CLVS1: variants seen among roughly 807,000 people sequenced by gnomAD.
CLVS1 encodes the protein clavesin 1.
Under a neutral mutation model 33.1 loss-of-function variants are expected in CLVS1, and 10 were observed. That is an observed-to-expected ratio of 0.30 (90% confidence interval 0.19 to 0.51). The LOEUF (loss-of-function observed/expected upper bound fraction) is 0.51, where lower values mean the gene tolerates loss of function less well. CLVS1 is among the 20% of genes least tolerant of loss of function. The pLI is 0.97. For missense variants in CLVS1, 343 were observed against 433.4 expected (o/e 0.79, Z 1.85); for synonymous variants, 163 against 166.1 (o/e 0.98, Z 0.14).
intron 2 of CLVS1, among the ~76,000 whole-genome samples, chr8:61,150,866 T>C (rs1268029518): frequency 6.6e-6 from 1 of 152,104 alleles, no homozygotes; most frequent in African/African-American, 2.4e-5. Flanking sequence ...AGGATGAGCA[T>C]CTAGACCCCT....
At chr8:61,248,527 GT>G (rs1015057007) in intron 2 of CLVS1, among the ~76,000 whole-genome samples, 4 of 151,486 alleles carry the variant, frequency 2.6e-5, no homozygotes, top group Admixed American at 6.6e-5. Context: ...TGTATTCCTA[GT>G]TTTTTTTGTG....
intron 5 of CLVS1, among the ~76,000 whole-genome samples, chr8:61,487,158 G>A (rs1278445819): frequency 6.6e-6 from 1 of 152,194 alleles, no homozygotes. Flanking sequence ...CCTGCTGAGG[G>A]CCCAGGGACC....
At chr8:61,071,677 T>C (rs1029025936) in intron 1 of CLVS1, among the ~76,000 whole-genome samples, 1 of 152,200 alleles carries the variant, frequency 6.6e-6, no homozygotes, top group Non-Finnish European at 1.5e-5. Flanking sequence ...TACCATGGTA[T>C]CTTACGCCAA....
At chr8:61,121,115 G>T (rs922928907) in intron 1 of CLVS1, among the ~76,000 whole-genome samples, 2 of 151,872 alleles carry the variant, frequency 1.3e-5, no homozygotes, top group African/African-American at 2.4e-5. Context: ...CGCAGTATTC[G>T]GGTGGGAGTG....
chr8:60,966,508 A>G, the CLVS1 span: 2 of 397,810 alleles, frequency 5.0e-6, no homozygotes, highest in Non-Finnish European at 1.0e-5. Flanking sequence ...ATATGCCATG[A>G]CCCAGCATCC....
the CLVS1 span, among the ~76,000 whole-genome samples, chr8:61,036,367 C>T: frequency 6.6e-6 from 1 of 152,170 alleles, no homozygotes; most frequent in African/African-American, 2.4e-5. Context: ...AGACCTCTGG[C>T]CAGGCTCTGT....
At chr8:61,258,383 G>A (rs1809130559) in intron 2 of CLVS1, among the ~76,000 whole-genome samples, 2 of 152,208 alleles carry the variant, frequency 1.3e-5, no homozygotes, top group Admixed American at 6.5e-5. Flanking sequence ...CCCAGAGAGT[G>A]CAAAGCAGTG....
the CLVS1 span, among the ~76,000 whole-genome samples, chr8:61,036,497 C>A: frequency 3.9e-5 from 6 of 152,164 alleles, no homozygotes; most frequent in Middle Eastern, 3.2e-3. Context: ...AAAAGGTGTG[C>A]ATTAAAGGGG....
the CLVS1 span, among the ~76,000 whole-genome samples, chr8:61,011,885 T>C: frequency 6.6e-6 from 1 of 152,228 alleles, no homozygotes; most frequent in African/African-American, 2.4e-5. Flanking sequence ...AAGCAGTGAC[T>C]GTGTTTGAGT....
At chr8:61,221,612 C>T (rs907030453) in intron 2 of CLVS1, among the ~76,000 whole-genome samples, 7 of 152,216 alleles carry the variant, frequency 4.6e-5, no homozygotes, top group East Asian at 3.9e-4. Context: ...ATTTTTGCAT[C>T]GACATTCATC....
At chr8:61,481,763 C>T (rs1818203601) in intron 5 of CLVS1, among the ~76,000 whole-genome samples, 1 of 152,248 alleles carries the variant, frequency 6.6e-6, no homozygotes, top group Admixed American at 6.5e-5. Context: ...TAGATTCCAC[C>T]TCTGGGGGCA....
At chr8:61,245,525 A>G (rs2919321) in intron 2 of CLVS1, among the ~76,000 whole-genome samples, 50,739 of 151,712 alleles carry the variant, frequency 0.33, 9,055 homozygotes, top group Admixed American at 0.39. Context: ...GTATTATTTT[A>G]ACATTAAATC....
At chr8:61,156,546 A>T (rs1182028186) in intron 2 of CLVS1, among the ~76,000 whole-genome samples, 1 of 152,216 alleles carries the variant, frequency 6.6e-6, no homozygotes, top group Non-Finnish European at 1.5e-5. Flanking sequence ...CAATTTATAG[A>T]GGATGTGTAT....
At chr8:61,110,076 G>A (rs1024354909) in intron 1 of CLVS1, among the ~76,000 whole-genome samples, 6 of 152,310 alleles carry the variant, frequency 3.9e-5, no homozygotes, top group African/African-American at 1.4e-4. Flanking sequence ...GCTGCCCTGA[G>A]CGTTGGCTGC....
At chr8:61,410,358 T>C (rs1815172930) in intron 3 of CLVS1, among the ~76,000 whole-genome samples, 1 of 152,204 alleles carries the variant, frequency 6.6e-6, no homozygotes, top group Admixed American at 6.5e-5. Flanking sequence ...CATATATACT[T>C]GTGTCTATTC....
At chr8:61,303,173 T>G (rs1248992734) in intron 2 of CLVS1, among the ~76,000 whole-genome samples, 1 of 152,174 alleles carries the variant, frequency 6.6e-6, no homozygotes, top group Admixed American at 6.5e-5. Flanking sequence ...GTAGAGAACA[T>G]CAGTAAATGG....
the CLVS1 span, chr8:60,967,560 A>G: frequency 6.7e-6 from 3 of 446,604 alleles, no homozygotes; most frequent in African/African-American, 6.0e-5. Context: ...AGCAGGGTGC[A>G]GTGCATACTT....
At chr8:61,329,366 T>C (rs1811506336) in intron 2 of CLVS1, among the ~76,000 whole-genome samples, 1 of 152,212 alleles carries the variant, frequency 6.6e-6, no homozygotes, top group South Asian at 2.1e-4. Context: ...ATAATCCTAC[T>C]ATGAAAGTTT....
At chr8:61,312,571 G>A (rs1810865669) in intron 2 of CLVS1, among the ~76,000 whole-genome samples, 1 of 152,032 alleles carries the variant, frequency 6.6e-6, no homozygotes, top group African/African-American at 2.4e-5. Flanking sequence ...TCCCTGATAA[G>A]TATCTCCAGA....
Sources: allele counts gnomAD v4.1 joint callset (sites outside exome capture counted in the v4.1 genomes callset), GRCh38; gene constraint gnomAD v4.1.1; transcripts MANE v1.5; gene names NCBI Gene and HGNC (gene_info 2026-07-23, HGNC 2026-07-21).